CAP2: variants seen among roughly 807,000 people sequenced by gnomAD.
CAP2 encodes the protein cyclase associated actin cytoskeleton regulatory protein 2, also known as adenylyl cyclase-associated protein 2.
In CAP2, 24 loss-of-function variants were observed where a neutral mutation model predicts 57.7. The observed-to-expected ratio is 0.42, with a 90% confidence interval of 0.30 to 0.58. CAP2 has a LOEUF of 0.58. CAP2 is among the 20% of genes least tolerant of loss of function. The probability of loss-of-function intolerance (pLI) is 0.22; values close to 1 mark genes in which losing one functional copy is unlikely to be tolerated. For missense variants in CAP2, 501 were observed against 590.3 expected, an observed-to-expected ratio of 0.85 and a Z score of 1.57; for synonymous variants, 194 against 207.2, an observed-to-expected ratio of 0.94 and a Z score of 0.55.
chr6:17,448,931 T>G (rs1245799523), intron 3 of CAP2, among the ~76,000 whole-genome samples: 4 of 152,118 alleles, frequency 2.6e-5, no homozygotes, highest in Admixed American at 2.6e-4. Context: ...CAGGCTAATT[T>G]TTGTATGTTT....
At position 17,513,008 on chromosome 6, in the gene CAP2, T is replaced by C. The variant is rs1208474695; in HGVS notation, c.531-841T>C. 6.6e-6 allele frequency among the ~76,000 whole-genome samples: 1 copy of C among 152,220 alleles called. No homozygotes were observed. Among genetic ancestry groups the C allele is most frequent in the Non-Finnish European group, 1.5e-5 (1 of 68,036 alleles). Reference sequence around the variant, plus strand: ...AAATTTTTCTTAACTCAAATGTCATTATTTTTGCATTTACCTTGACTTCTA... The same window carrying C: ...AAATTTTTCTTAACTCAAATGTCATCATTTTTGCATTTACCTTGACTTCTA... On this transcript the variant is annotated intron_variant, in intron 6 of 12. Transcript: ENST00000229922. This position sits in a 1 kb window ranked among gnomAD's most constrained non-coding sequence, Gnocchi z 4.3.
At chr6:17,497,130 G>C (rs780337027) in intron 4 of CAP2, among the ~76,000 whole-genome samples, 4 of 152,138 alleles carry the variant, frequency 2.6e-5, no homozygotes, top group Non-Finnish European at 4.4e-5. Flanking sequence ...CTATTTCAAA[G>C]AACTAATTTC....
intron 4 of CAP2, among the ~76,000 whole-genome samples, chr6:17,502,150 G>C (rs549126030): frequency 3.3e-5 from 5 of 152,350 alleles, no homozygotes; most frequent in African/African-American, 9.6e-5. Flanking sequence ...ACACCTCTTA[G>C]ATGAGCTCCT....
chr6:17,481,604 C>A (rs747678400), intron 4 of CAP2, among the ~76,000 whole-genome samples: 23 of 152,266 alleles, frequency 1.5e-4, no homozygotes, highest in Non-Finnish European at 2.6e-4. Context: ...CATTCTGATT[C>A]ATTTGTTTCT....
intron 12 of CAP2, among the ~76,000 whole-genome samples, chr6:17,551,994 AT>A (rs1295143473): frequency 2.0e-5 from 3 of 152,324 alleles, no homozygotes; most frequent in East Asian, 3.9e-4. Flanking sequence ...AAGTAGGGCT[AT>A]TTGTGCAGCT....
At chr6:17,464,135 A>G (rs906756921) in intron 4 of CAP2, among the ~76,000 whole-genome samples, 9 of 152,202 alleles carry the variant, frequency 5.9e-5, no homozygotes, top group Admixed American at 5.9e-4. Flanking sequence ...AAGGGTTCAT[A>G]ATAACAACTT....
chr6:17,501,836 G>T (rs141344882), intron 4 of CAP2, among the ~76,000 whole-genome samples: 213 of 152,248 alleles, frequency 1.4e-3, no homozygotes, highest in African/African-American at 4.5e-3. Context: ...AAGTACAGTC[G>T]CATCCAGCTA....
At chr6:17,545,419 A>G (rs1269185672) in intron 11 of CAP2, among the ~76,000 whole-genome samples, 3 of 152,340 alleles carry the variant, frequency 2.0e-5, no homozygotes, top group South Asian at 2.1e-4. Context: ...CTAAATATTC[A>G]TCATGTTTTT....
At chr6:17,512,579 G>A (rs1255107763) in intron 6 of CAP2, among the ~76,000 whole-genome samples, 2 of 152,132 alleles carry the variant, frequency 1.3e-5, no homozygotes, top group Non-Finnish European at 2.9e-5. Flanking sequence ...TATGTGCTAG[G>A]CACTGTACTA....
intron 4 of CAP2, among the ~76,000 whole-genome samples, chr6:17,474,560 C>T (rs1034561302): frequency 6.6e-6 from 1 of 152,128 alleles, no homozygotes; most frequent in African/African-American, 2.4e-5. Context: ...GTAGTCAGAG[C>T]ACTTAGCACG....
chr6:17,522,056 C>A (rs965561455), intron 7 of CAP2, among the ~76,000 whole-genome samples: 6 of 152,042 alleles, frequency 3.9e-5, no homozygotes, highest in Non-Finnish European at 5.9e-5. Context: ...TTGCAGTCAG[C>A]CTGCATTGCA....
intron 11 of CAP2, among the ~76,000 whole-genome samples, chr6:17,550,887 C>A (rs1763155972): frequency 6.6e-6 from 1 of 152,140 alleles, no homozygotes; most frequent in South Asian, 2.1e-4. Context: ...CCTAGACATT[C>A]ATCTCATGTA....
chr6:17,400,034 C>T (rs1175634508), intron 1 of CAP2, among the ~76,000 whole-genome samples: 4 of 151,260 alleles, frequency 2.6e-5, no homozygotes, highest in Admixed American at 6.6e-5. Context: ...TGCTGGCTAA[C>T]ACGGTGAAAC....
chr6:17,516,323 C>T (rs951433280), intron 7 of CAP2, among the ~76,000 whole-genome samples: 2 of 152,186 alleles, frequency 1.3e-5, no homozygotes, highest in Non-Finnish European at 2.9e-5. Context: ...AGTAAGTGCT[C>T]AGTAAATGGT....
At chr6:17,415,921 A>G (rs189782475) in intron 1 of CAP2, among the ~76,000 whole-genome samples, 1 of 152,130 alleles carries the variant, frequency 6.6e-6, no homozygotes, top group South Asian at 2.1e-4. Flanking sequence ...CAGACCCTTC[A>G]CCAATGAGCA....
intron 7 of CAP2, chr6:17,531,396 A>G (rs1762635973): frequency 6.3e-7 from 1 of 1,594,832 alleles, no homozygotes; most frequent in African/African-American, 1.3e-5. Context: ...GCAGGTACAT[A>G]GAAGTTGCCA....
intron 3 of CAP2, among the ~76,000 whole-genome samples, chr6:17,453,254 A>G (rs748198355): frequency 4.6e-5 from 7 of 152,130 alleles, no homozygotes; most frequent in South Asian, 2.1e-4. Flanking sequence ...GACAAAACCA[A>G]TGATGGCATG....
At chr6:17,494,073 C>A (rs147874345) in intron 4 of CAP2, among the ~76,000 whole-genome samples, 1 of 152,286 alleles carries the variant, frequency 6.6e-6, no homozygotes, top group Non-Finnish European at 1.5e-5. Flanking sequence ...TCACTCTGGC[C>A]TGAGCTGCCT....
intron 4 of CAP2, among the ~76,000 whole-genome samples, chr6:17,494,370 T>G (rs1350171447): frequency 6.6e-6 from 1 of 152,142 alleles, no homozygotes; most frequent in Non-Finnish European, 1.5e-5. Context: ...TCCAGCTACA[T>G]GGTTCTGCTT....
Sources: gnomAD v4.1 joint callset for allele counts (sites outside exome capture counted in the v4.1 genomes callset) on GRCh38, gnomAD v4.1.1 for gene constraint, Gnocchi (gnomAD v3.1) non-coding constraint, MANE v1.5 for transcripts, NCBI Gene and HGNC (gene_info 2026-07-23, HGNC 2026-07-21) for gene names.